LRRC49: variants seen among roughly 807,000 people sequenced by gnomAD.
LRRC49 encodes the protein leucine rich repeat containing 49.
Under a neutral mutation model 83.3 loss-of-function variants are expected in LRRC49, and 50 were observed. The ratio of observed to expected loss-of-function variants is 0.60; its 90% CI spans 0.48 to 0.76. The LOEUF (loss-of-function observed/expected upper bound fraction) is 0.76, where lower values mean the gene tolerates loss of function less well. Among genes scored for constraint, LRRC49 ranks in the 30% least tolerant of loss-of-function variants. The probability of loss-of-function intolerance (pLI) is 0.00; values close to 1 mark genes in which losing one functional copy is unlikely to be tolerated. For synonymous variants in LRRC49, 286 were observed against 283.3 expected (o/e 1.01, Z -0.10); for missense variants, 704 against 809.1 (o/e 0.87, Z 1.58).
intron 1 of LRRC49, 40 bp downstream of exon 1, chr15:70,892,982 A>T (rs2033652501): frequency 6.2e-7 from 1 of 1,603,292 alleles, no homozygotes; most frequent in Admixed American, 1.7e-5. Context: ...TCCCACTGGT[A>T]CTCTTTCTGA....
intron 11 of LRRC49, among the ~76,000 whole-genome samples, chr15:71,003,071 G>A (rs943580183): frequency 1.3e-5 from 2 of 149,482 alleles, no homozygotes; most frequent in Admixed American, 6.8e-5. Context: ...CCGAGTAGCT[G>A]GGATTACAGG....
At chr15:70,930,714 G>A (rs2035375002) in intron 7 of LRRC49, among the ~76,000 whole-genome samples, 1 of 152,154 alleles carries the variant, frequency 6.6e-6, no homozygotes, top group Non-Finnish European at 1.5e-5. Flanking sequence ...GGATTATCTA[G>A]GTAACTTGCT....
chr15:70,892,754 A>G (rs1272374787), upstream of LRRC49: 3 of 1,557,904 alleles, frequency 1.9e-6, no homozygotes, highest in African/African-American at 1.4e-5. Flanking sequence ...GATTCGGGAG[A>G]GGTCCAGACC....
chr15:70,941,680 A>C (rs964309595), intron 8 of LRRC49, among the ~76,000 whole-genome samples: 2 of 152,274 alleles, frequency 1.3e-5, no homozygotes, highest in East Asian at 1.9e-4. Context: ...TTCTTTTATT[A>C]TCCTCCTTAT....
intron 1 of LRRC49, among the ~76,000 whole-genome samples, chr15:70,857,162 A>T (rs957586363): frequency 6.6e-6 from 1 of 152,210 alleles, no homozygotes. Context: ...AAGGAAGCAC[A>T]TTGACAAGCC....
intron 8 of LRRC49, among the ~76,000 whole-genome samples, chr15:70,954,311 G>A (rs2036323581): frequency 6.6e-6 from 1 of 152,006 alleles, no homozygotes; most frequent in South Asian, 2.1e-4. Context: ...TTTTTAAATG[G>A]TTATGTCATC....
At chr15:71,034,920 A>G (rs776166180) in intron 14 of LRRC49, among the ~76,000 whole-genome samples, 13 of 152,098 alleles carry the variant, frequency 8.5e-5, no homozygotes, top group African/African-American at 2.4e-5. Flanking sequence ...GAGCATCAGG[A>G]TAAATAGCTA....
chr15:70,927,389 A>G (rs2035241267), intron 7 of LRRC49, among the ~76,000 whole-genome samples: 1 of 152,124 alleles, frequency 6.6e-6, no homozygotes, highest in East Asian at 1.9e-4. Flanking sequence ...TGTTTGATAT[A>G]TATATATTGA....
Position 70,984,134 on chromosome 15 carries a change from G to C in LRRC49, c.1046G>C (p.Trp349Ser). The C allele has an allele frequency of 6.3e-7, 1 of 1,587,308 alleles. No individual in the cohort carries two copies. The highest frequency in any genetic ancestry group is 8.6e-7 in the Non-Finnish European group (1 of 1,166,878). Residue 349 changes from tryptophan to serine, a missense_variant, in exon 11 of 16, where the codon TGG becomes TCG. By Grantham distance (177) the Trp-to-Ser change is radical. Transcript: ENST00000260382. Reference protein sequence around the residue: ...RLTINNVARQWDLQQQRVANI... With the variant: ...RLTINNVARQSDLQQQRVANI... ...ACAATTAACAACGTAGCTCGACAGT[G>C]GGACTTGCAACAACAACGAGTAGCC...
chr15:70,940,997 G>T (rs1271081863), intron 8 of LRRC49, among the ~76,000 whole-genome samples: 1 of 152,126 alleles, frequency 6.6e-6, no homozygotes. Context: ...ATAAAAACAA[G>T]ATTTAAAAAT....
intron 2 of LRRC49, among the ~76,000 whole-genome samples, chr15:70,877,754 C>T (rs2033181303): frequency 6.6e-6 from 1 of 152,118 alleles, no homozygotes; most frequent in South Asian, 2.1e-4. Context: ...CATTGTTTTC[C>T]AAAGTGCTTG....
chr15:70,920,323 C>T (rs2034962246), intron 7 of LRRC49, among the ~76,000 whole-genome samples: 1 of 152,152 alleles, frequency 6.6e-6, no homozygotes, highest in Non-Finnish European at 1.5e-5. Context: ...TAATACTCAT[C>T]TCTTCTAGAA....
chr15:70,924,702 T>C (rs1481937272), intron 7 of LRRC49, among the ~76,000 whole-genome samples: 1 of 152,012 alleles, frequency 6.6e-6, no homozygotes, highest in Non-Finnish European at 1.5e-5. Context: ...TCCTTCTGCA[T>C]CTCTGTCTAT....
intron 2 of LRRC49, chr15:70,883,055 C>A: frequency 1.4e-6 from 1 of 704,450 alleles, no homozygotes; most frequent in South Asian, 2.1e-5. Context: ...CAAGGTGAAT[C>A]TATAGTCCAA....
At chr15:70,887,122 ATCCATCATAAAAAACCTT>A (rs1427205474) in intron 2 of LRRC49, among the ~76,000 whole-genome samples, 1 of 152,194 alleles carries the variant, frequency 6.6e-6, no homozygotes, top group Non-Finnish European at 1.5e-5. Context: ...AAGAAATTGA[ATCCATCATAAAAAACCTT>A]TCCAAAAGGA....
chr15:70,965,853 C>T lies in LRRC49; in HGVS notation c.921+1921C>T, dbSNP rs933187051. On this transcript the variant is annotated intron_variant, in intron 9 of 15. Coordinates refer to ENST00000260382, the MANE Select transcript of LRRC49 (RefSeq NM_017691.5). ...TATATGGACTTATGGTATTTAGTCT[C>T]GTCTTTTATTTATAACTTTTTAGTA... Among the ~76,000 whole-genome samples, 9 of 151,950 alleles carry T rather than the reference C, an allele frequency of 5.9e-5. No homozygotes were observed. The East Asian group carries it at 1.5e-3, about 26-fold the overall frequency.
At chr15:70,908,357 A>G (rs190665149) in intron 5 of LRRC49, among the ~76,000 whole-genome samples, 11 of 152,298 alleles carry the variant, frequency 7.2e-5, no homozygotes, top group Admixed American at 5.9e-4. Flanking sequence ...TGCCTCCCTA[A>G]GAAGTTGGAG....
chr15:70,911,461 C>A (rs1363335904), intron 5 of LRRC49, 71 bp from the exon 6 acceptor site: 2 of 801,668 alleles, frequency 2.5e-6, no homozygotes, highest in Admixed American at 2.2e-5. Flanking sequence ...CACCTTTATG[C>A]CTTAGCATAC....
intron 1 of LRRC49, chr15:70,854,143 C>T: frequency 8.4e-7 from 1 of 1,185,536 alleles, no homozygotes; most frequent in Non-Finnish European, 1.1e-6. Context: ...CCCAGCCAGC[C>T]GGTCGGCAGC....
Sources: gnomAD v4.1 joint callset for allele counts (sites outside exome capture counted in the v4.1 genomes callset) on GRCh38, gnomAD v4.1.1 for gene constraint, MANE v1.5 for transcripts, NCBI Gene and HGNC (gene_info 2026-07-23, HGNC 2026-07-21) for gene names.